USH2A: variants seen among roughly 807,000 people sequenced by gnomAD.
USH2A encodes the protein usherin, also known as Usher syndrome 2A (autosomal recessive, mild).
Under a neutral mutation model 538.9 loss-of-function variants are expected in USH2A, and 443 were observed. The ratio of observed to expected loss-of-function variants is 0.82; its 90% CI spans 0.76 to 0.89. The LOEUF (loss-of-function observed/expected upper bound fraction) is 0.89. Among genes scored for constraint, USH2A ranks in the 40% least tolerant of loss-of-function variants. The pLI is 0.00. For missense variants in USH2A, 6,633 were observed against 6,324.8 expected (o/e 1.05, Z -1.65); for synonymous variants, 2,413 against 2,273.5 (o/e 1.06, Z -1.75).
At chr1:215,967,449 G>A (rs1035730042) in intron 36 of USH2A, among the ~76,000 whole-genome samples, 4 of 152,150 alleles carry the variant, frequency 2.6e-5, no homozygotes, top group Non-Finnish European at 1.5e-5. Context: ...TTACAGGTGT[G>A]AGCCACCATG....
At chr1:215,746,688 TTA>T (rs1326802052) in intron 58 of USH2A, among the ~76,000 whole-genome samples, 2 of 152,222 alleles carry the variant, frequency 1.3e-5, no homozygotes, top group Non-Finnish European at 2.9e-5. Context: ...TTGATGATAT[TTA>T]GTTTGGTGAC....
rs367694465 is a variant in USH2A at position 216,300,718 on chromosome 1, A to G, written c.1645-8348T>C. Among the ~76,000 whole-genome samples, 57 of 150,040 alleles carry G rather than the reference A, an allele frequency of 3.8e-4. No individual in the cohort carries two copies. The East Asian group carries it at 6.9e-3, about 18-fold the overall frequency. On this transcript the variant is annotated intron_variant, in intron 9 of 71. Transcript: ENST00000307340. ...CATAGTCTCCAAAGCATTTTTATCA[A>G]CTCCACTCCTGATAGACTCAATGTT...
rs1204728952 is a variant in USH2A, at chr1:215,674,475, A to G, written c.13436T>C (p.Leu4479Pro). 6.2e-7 allele frequency: 1 copy of G among 1,614,020 alleles called. No homozygotes were observed. The highest frequency in any genetic ancestry group is 1.7e-5 in the Admixed American group (1 of 60,014). Residue 4479 changes from leucine (L) to proline (P), a missense_variant, in exon 63 of 72, where the codon CTT (leucine) becomes CCT (proline). Leu to Pro is a moderately conservative substitution (Grantham distance 98). Coordinates refer to ENST00000307340, the MANE Select transcript of USH2A (RefSeq NM_206933.4). ...NPNGQIRSYE[L>P]RRDGTIVYTG... ...ATATACAATGGTTCCATCCCTCCTAAGTTCATAACTTCTGATCTGGCCATT... is the reference window on the plus strand; with the variant it reads ...ATATACAATGGTTCCATCCCTCCTAGGTTCATAACTTCTGATCTGGCCATT...
intron 21 of USH2A, among the ~76,000 whole-genome samples, chr1:216,156,295 C>CTTTTTTTTTTTTTT (rs35698520): frequency 5.1e-4 from 54 of 105,514 alleles, no homozygotes; most frequent in African/African-American, 1.5e-3. Flanking sequence ...TTTTTTTTTT[C>CTTTTTTTTTTTTTT]TTTTTTTTTT....
chr1:215,757,534 G>T (rs960316256), intron 58 of USH2A, among the ~76,000 whole-genome samples: 4 of 152,150 alleles, frequency 2.6e-5, no homozygotes, highest in Non-Finnish European at 5.9e-5. Context: ...GACAAAAAGG[G>T]CGTGTCACAA....
intron 38 of USH2A, among the ~76,000 whole-genome samples, chr1:215,917,701 T>C (rs1252518922): frequency 2.7e-5 from 4 of 148,420 alleles, no homozygotes; most frequent in Non-Finnish European, 5.9e-5. Flanking sequence ...CCCAGTATTT[T>C]GGGAGGCTGA....
chr1:215,867,149 C>G lies in USH2A; in HGVS notation c.8703G>C (p.Met2901Ile). Residue 2901 changes from methionine (M) to isoleucine (I), a missense_variant, in exon 44 of 72, where the codon ATG becomes ATC. By Grantham distance (10) the Met-to-Ile change is conservative (BLOSUM62 1). Coordinates refer to ENST00000307340, the MANE Select transcript of USH2A (RefSeq NM_206933.4). ...AACCCACACTGTTGTGTACGAAGAG[C>G]ATATATTCATAGGTTGTAAACCTAA... ...GLSRFTTYEY[M>I]LFVHNSVGFT... 1.2e-6 allele frequency: 2 copies of G among 1,614,016 alleles called. No individual in the cohort carries two copies. The highest frequency in any genetic ancestry group is 1.7e-6 in the Non-Finnish European group (2 of 1,179,970).
In USH2A at chr1:215,789,984, GA is replaced by G. The variant is rs1661933950; in HGVS notation, c.10182+74del. 6 of 1,421,100 alleles carry G rather than the reference GA, an allele frequency of 4.2e-6. 1 individual carries two copies. The South Asian group carries it at 7.1e-5, about 17-fold the overall frequency. The allele number at this position is 1,421,100 out of a possible 1,614,324, so 88.0% of individuals were successfully genotyped here. On this transcript the variant is annotated intron_variant, in intron 51 of 71. Transcript: ENST00000307340. ...CAGGAGTTTTTATATTCCTATTTTA[GA>G]AAAATAGTTATGAACAATGTATTTC...
At chr1:216,109,871 T>A (rs1206689712) in intron 21 of USH2A, among the ~76,000 whole-genome samples, 1 of 152,218 alleles carries the variant, frequency 6.6e-6, no homozygotes, top group Non-Finnish European at 1.5e-5. Context: ...TGCTATTTCA[T>A]GTTTTGTAAA....
chr1:216,061,824 A>G (rs1001031575), intron 30 of USH2A, among the ~76,000 whole-genome samples: 2 of 152,178 alleles, frequency 1.3e-5, no homozygotes, highest in South Asian at 4.1e-4. Flanking sequence ...CTTAAACTGG[A>G]AGCAAAATGC....
At chr1:216,106,567 C>A (rs2032740674) in intron 21 of USH2A, among the ~76,000 whole-genome samples, 1 of 150,538 alleles carries the variant, frequency 6.6e-6, no homozygotes, top group Non-Finnish European at 1.5e-5. Flanking sequence ...TTTCTCTCTC[C>A]CCCCTCCTTC....
At chr1:215,921,772 T>G (rs774392279) in intron 38 of USH2A, among the ~76,000 whole-genome samples, 29 of 152,096 alleles carry the variant, frequency 1.9e-4, no homozygotes, top group Non-Finnish European at 3.4e-4. Flanking sequence ...CAATATTGTT[T>G]CTTCAACTTC....
Position 215,943,200 on chromosome 1 carries a change from G to A in USH2A, c.7121-8405C>T, listed in dbSNP as rs532914220. ...TAATATATCGAGTATTATACATACA[G>A]CTAAAGAAAGGATTGTAACATAAAA... is the stretch of plus-strand genomic sequence containing the variant. On this transcript the variant is annotated intron_variant, in intron 37 of 71. Transcript: ENST00000307340. Among the ~76,000 whole-genome samples the A allele has an allele frequency of 2.6e-5, 4 of 152,228 alleles. No homozygotes were observed. In the South Asian group the frequency reaches 8.3e-4, roughly 32 times the overall value.
chr1:216,306,279 C>A (rs1053821827), intron 9 of USH2A, among the ~76,000 whole-genome samples: 1 of 151,882 alleles, frequency 6.6e-6, no homozygotes, highest in African/African-American at 2.4e-5. Flanking sequence ...GGTGTTCTTC[C>A]TTCTACTTGT....
intron 64 of USH2A, among the ~76,000 whole-genome samples, chr1:215,651,504 T>A (rs1261762249): frequency 6.6e-6 from 1 of 152,192 alleles, no homozygotes; most frequent in Non-Finnish European, 1.5e-5. Flanking sequence ...GTAGTATTCC[T>A]TAGTAAGCTT....
intron 21 of USH2A, among the ~76,000 whole-genome samples, chr1:216,119,472 C>A (rs1007608842): frequency 1.3e-5 from 2 of 151,508 alleles, no homozygotes; most frequent in Non-Finnish European, 2.9e-5. Flanking sequence ...AACAATATAA[C>A]ATATAATATA....
intron 32 of USH2A, among the ~76,000 whole-genome samples, chr1:216,027,220 C>T (rs1296598123): frequency 6.6e-6 from 1 of 152,014 alleles, no homozygotes; most frequent in East Asian, 1.9e-4. Context: ...CGGACAGATG[C>T]CCTTATAAGA....
At position 215,970,626 on chromosome 1, in the gene USH2A, A is replaced by T; in HGVS notation, c.6956T>A (p.Leu2319Gln). ...TAGAATGTAAATTTAGATACTCACCAGTGGGCCCAGAGCACAACCTTTGGC... is the reference window on the plus strand; with the variant it reads ...TAGAATGTAAATTTAGATACTCACCTGTGGGCCCAGAGCACAACCTTTGGC... ...CTAKGCALGPLVENRTLEAPP... is the reference protein window; with the variant it reads ...CTAKGCALGPQVENRTLEAPP... Residue 2319 changes from leucine (L) to glutamine (Q), a missense_variant and splice_region_variant, in exon 36 of 72, where the codon CTG (leucine) becomes CAG (glutamine). Coordinates refer to ENST00000307340, the MANE Select transcript of USH2A (RefSeq NM_206933.4). 6.2e-7 allele frequency: 1 copy of T among 1,613,634 alleles called. No individual in the cohort carries two copies. Among genetic ancestry groups the T allele is most frequent in the Non-Finnish European group, 8.5e-7 (1 of 1,179,698 alleles).
chr1:215,955,486 G>T (rs938373217), intron 37 of USH2A, among the ~76,000 whole-genome samples: 5 of 152,038 alleles, frequency 3.3e-5, no homozygotes, highest in Admixed American at 3.3e-4. Context: ...CTTTCTACAT[G>T]AACAAATGAA....
Sources: allele counts gnomAD v4.1 joint callset (sites outside exome capture counted in the v4.1 genomes callset), GRCh38; gene constraint gnomAD v4.1.1; transcripts MANE v1.5; gene names NCBI Gene and HGNC (gene_info 2026-07-23, HGNC 2026-07-21).